BANP: variants seen among roughly 807,000 people sequenced by gnomAD.
BANP encodes BTG3 associated nuclear protein.
BANP carries 11 observed loss-of-function variants against 68.1 expected under a neutral mutation model. The observed-to-expected ratio is 0.16, with a 90% CI of 0.10 to 0.27. The LOEUF (loss-of-function observed/expected upper bound fraction) is 0.27, where lower values mean the gene tolerates loss of function less well. BANP is among the 10% of genes least tolerant of loss of function. BANP has a pLI of 1.00. For missense variants in BANP, 504 were observed against 722.7 expected, an observed-to-expected ratio of 0.70 and a Z score of 3.47; for synonymous variants, 329 against 303.2, an observed-to-expected ratio of 1.09 and a Z score of -0.88.
intron 11 of BANP, among the ~76,000 whole-genome samples, chr16:88,061,950 C>T (rs149492548): frequency 1.3e-5 from 2 of 152,182 alleles, no homozygotes; most frequent in African/African-American, 2.4e-5. Context: ...TGAGCCACCA[C>T]GCCCAGCCTG....
At chr16:87,949,711 A>C (rs2056624479), upstream of BANP, 1 of 152,246 alleles carries the variant, frequency 6.6e-6, no homozygotes, top group Admixed American at 6.5e-5. Context: ...TAACCCAGCC[A>C]CCAGCCTCAG....
At chr16:87,992,810 A>G (rs1263196924) in intron 4 of BANP, among the ~76,000 whole-genome samples, 1 of 152,032 alleles carries the variant, frequency 6.6e-6, no homozygotes, top group Non-Finnish European at 1.5e-5. Context: ...AAACACTTCA[A>G]TAAATGTAGA....
intron 11 of BANP, among the ~76,000 whole-genome samples, chr16:88,059,736 C>T (rs779287221): frequency 3.9e-5 from 6 of 152,188 alleles, no homozygotes; most frequent in Non-Finnish European, 5.9e-5. Flanking sequence ...TGCTACTCCT[C>T]GCGTCCTGTC....
At chr16:88,053,142 C>G (rs2083717554) in intron 11 of BANP, among the ~76,000 whole-genome samples, 1 of 152,036 alleles carries the variant, frequency 6.6e-6, no homozygotes, top group Admixed American at 6.6e-5. Flanking sequence ...CCATCATCAT[C>G]ATCACCAACA....
At chr16:87,998,333 CAG>C (rs1365817122) in intron 4 of BANP, among the ~76,000 whole-genome samples, 2 of 152,252 alleles carry the variant, frequency 1.3e-5, no homozygotes, top group South Asian at 2.1e-4. Context: ...CTGTCTGTCA[CAG>C]GGGGACTTTG....
intron 4 of BANP, among the ~76,000 whole-genome samples, chr16:87,985,919 A>T (rs1199119537): frequency 6.6e-6 from 1 of 152,204 alleles, no homozygotes; most frequent in Non-Finnish European, 1.5e-5. Flanking sequence ...ACTGTGCAAA[A>T]ATGTTTTGTG....
At chr16:88,014,777 C>A (rs145576073) in intron 6 of BANP, among the ~76,000 whole-genome samples, 1 of 152,022 alleles carries the variant, frequency 6.6e-6, no homozygotes, top group Non-Finnish European at 1.5e-5. Context: ...CTTCCTGCTG[C>A]CTGCCTCGGG....
intron 10 of BANP, chr16:88,037,452 G>A (rs2152761708): frequency 6.4e-6 from 1 of 155,066 alleles, no homozygotes; most frequent in East Asian, 1.9e-4. Flanking sequence ...TAAACATTTA[G>A]CAGGGTCTGA....
intron 9 of BANP, 24 bp downstream of exon 9, chr16:88,033,269 C>G (rs1271556519): frequency 2.0e-6 from 3 of 1,531,384 alleles, no homozygotes; most frequent in African/African-American, 1.4e-5. Flanking sequence ...CCACCTCACA[C>G]CTTGGGAAAG....
intron 1 of BANP, among the ~76,000 whole-genome samples, chr16:87,973,752 A>T (rs11117328): frequency 0.38 from 50,177 of 130,348 alleles, 9,993 homozygotes; most frequent in Non-Finnish European, 0.5. Flanking sequence ...AAACTCCATC[A>T]CAAAAAAAAA....
At chr16:88,025,462 G>A (rs2076810298) in intron 7 of BANP, among the ~76,000 whole-genome samples, 1 of 152,170 alleles carries the variant, frequency 6.6e-6, no homozygotes. Context: ...GAAGCCAAAG[G>A]GCGGCTGCTT....
In BANP at chr16:88,003,283, T is replaced by C. The variant is rs1380948706; in HGVS notation, c.363-1012T>C. On this transcript the variant is annotated intron_variant, in intron 4 of 13. Coordinates refer to ENST00000682872, the MANE Select transcript of BANP (RefSeq NM_001386991.1). The surrounding 1 kb of genome is among the most constrained non-coding windows in gnomAD (Gnocchi z 6.1). ...GAGAAAACCTGGTGGTCCTGTGATT[T>C]ACTTGAGCATGGCGTGGTGCTGTGC... 6.6e-6 allele frequency among the ~76,000 whole-genome samples: 1 copy of C among 152,264 alleles called. No homozygotes were observed. Among genetic ancestry groups the C allele is most frequent in the African/African-American group, 2.4e-5 (1 of 41,470 alleles).
In BANP at chr16:87,951,500, T is replaced by C. The variant is rs1291539861; in HGVS notation, c.-84T>C. ...ATCTCCCCGACAAACACCACGAGAATTCCGCAGCCCACACGGTAATTGCAG... is the reference window on the plus strand; with the variant it reads ...ATCTCCCCGACAAACACCACGAGAACTCCGCAGCCCACACGGTAATTGCAG... On this transcript the variant is annotated 5_prime_UTR_variant, in exon 1 of 14. Coordinates refer to ENST00000682872, the MANE Select transcript of BANP (RefSeq NM_001386991.1). 6.6e-6 allele frequency: 1 copy of C among 152,574 alleles called. No homozygotes were observed. The highest frequency in any genetic ancestry group is 2.4e-5 in the African/African-American group (1 of 41,344). 9.5% of individuals were successfully genotyped at this position (152,574 alleles called of 1,614,324 possible).
intron 12 of BANP, among the ~76,000 whole-genome samples, chr16:88,069,162 G>A (rs1348601980): frequency 2.0e-5 from 3 of 152,200 alleles, no homozygotes; most frequent in Admixed American, 2.0e-4. Flanking sequence ...CGGGACCTCG[G>A]GGCCTGTAAA....
intron 1 of BANP, among the ~76,000 whole-genome samples, chr16:87,961,164 A>G (rs2059048855): frequency 6.6e-6 from 1 of 152,246 alleles, no homozygotes; most frequent in Non-Finnish European, 1.5e-5. Context: ...GCTCATGGAT[A>G]CAGTTCACAT....
chr16:87,973,636 G>A (rs888494469), intron 1 of BANP, among the ~76,000 whole-genome samples: 5 of 151,628 alleles, frequency 3.3e-5, no homozygotes, highest in African/African-American at 9.7e-5. Flanking sequence ...GCGCATGCCT[G>A]TAATCCCAGC....
chr16:87,989,637 GGA>G (rs1567678389), intron 4 of BANP, among the ~76,000 whole-genome samples: 1 of 125,094 alleles, frequency 8.0e-6, no homozygotes, highest in Non-Finnish European at 1.7e-5. Context: ...CCAGGACACA[GGA>G]CACAGGGCGG....
At chr16:88,073,309 T>C (rs912624755) in intron 13 of BANP, among the ~76,000 whole-genome samples, 2 of 152,096 alleles carry the variant, frequency 1.3e-5, no homozygotes, top group African/African-American at 4.8e-5. Flanking sequence ...GGGCCCAGAG[T>C]TTAAGGACCC....
intron 2 of BANP, among the ~76,000 whole-genome samples, chr16:87,976,315 C>T (rs1376332924): frequency 6.6e-6 from 1 of 152,162 alleles, no homozygotes; most frequent in African/African-American, 2.4e-5. Flanking sequence ...TTTGCTAAGG[C>T]TGGTATCTTT....
Sources: gnomAD v4.1 joint callset for allele counts (sites outside exome capture counted in the v4.1 genomes callset) on GRCh38, gnomAD v4.1.1 for gene constraint, Gnocchi (gnomAD v3.1) non-coding constraint, MANE v1.5 for transcripts, NCBI Gene and HGNC (gene_info 2026-07-23, HGNC 2026-07-21) for gene names.